The following EIF2AK3 variants were observed in gnomAD, a reference collection of about 807,000 sequenced individuals.
The protein encoded by EIF2AK3 is eukaryotic translation initiation factor 2-alpha kinase 3.
Under a neutral mutation model 113.5 loss-of-function variants are expected in EIF2AK3, and 50 were observed. The observed-to-expected ratio is 0.44, with a 90% CI of 0.35 to 0.56. The LOEUF (loss-of-function observed/expected upper bound fraction) is 0.56. Ranked by LOEUF, EIF2AK3 falls within the 20% of genes least tolerant of loss-of-function variation. The pLI is 0.00. For synonymous variants in EIF2AK3, 448 were observed against 495.4 expected (o/e 0.90, Z 1.27); for missense variants, 1,185 against 1,378.0 (o/e 0.86, Z 2.22).
chr2:88,593,089 C>A (rs573448535), intron 4 of EIF2AK3, among the ~76,000 whole-genome samples, 183 bp downstream of exon 4: 1 of 152,160 alleles, frequency 6.6e-6, no homozygotes, highest in Non-Finnish European at 1.5e-5. Context: ...TTGCAGTGAG[C>A]CAATATCACG....
At chr2:88,573,067 T>TA in intron 13 of EIF2AK3, among the ~76,000 whole-genome samples, 1 of 149,608 alleles carries the variant, frequency 6.7e-6, no homozygotes, top group Admixed American at 6.6e-5. Flanking sequence ...GGTCAGAACG[T>TA]AGCAAAATGT....
intron 9 of EIF2AK3, among the ~76,000 whole-genome samples, chr2:88,583,852 G>T (rs187042346): frequency 1.3e-3 from 200 of 152,078 alleles, no homozygotes; most frequent in Middle Eastern, 6.8e-3. Context: ...AAACTCCTGG[G>T]CAAGACTAGA....
chr2:88,605,448 C>CCA (rs1187681023), intron 2 of EIF2AK3, among the ~76,000 whole-genome samples: 1 of 152,164 alleles, frequency 6.6e-6, no homozygotes, highest in East Asian at 1.9e-4. Flanking sequence ...GGATTCACAT[C>CCA]TGTTTAAAAA....
Position 88,601,007 on chromosome 2 carries a change from A to C in EIF2AK3, c.439-5344T>G, listed in dbSNP as rs116255478. 4.1e-3 allele frequency among the ~76,000 whole-genome samples: 627 copies of C among 152,360 alleles called. 7 individuals are homozygous for C. Among genetic ancestry groups the C allele is most frequent in the African/African-American group, 0.014 (597 of 41,590 alleles). On this transcript the variant is annotated intron_variant, in intron 2 of 16. Coordinates refer to ENST00000303236, the MANE Select transcript of EIF2AK3 (RefSeq NM_004836.7). ...CCCATGTATCTATCATCCAGTTCCA[A>C]CAATTATCAACATTTTGCCAACTGT...
At chr2:88,584,259 G>C (rs1674664488) in intron 9 of EIF2AK3, among the ~76,000 whole-genome samples, 1 of 152,110 alleles carries the variant, frequency 6.6e-6, no homozygotes, top group African/African-American at 2.4e-5. Context: ...GCTCATGCCT[G>C]TAATCCCAAC....
intron 1 of EIF2AK3, among the ~76,000 whole-genome samples, chr2:88,623,600 G>C (rs929503438): frequency 2.0e-5 from 3 of 152,064 alleles, no homozygotes; most frequent in Admixed American, 6.6e-5. Flanking sequence ...CATAGTAAAC[G>C]CTTGGTTAAT....
intron 11 of EIF2AK3, among the ~76,000 whole-genome samples, chr2:88,577,582 TTGGTCAGGC>T (rs1473716172): frequency 6.6e-6 from 1 of 151,980 alleles, no homozygotes; most frequent in Non-Finnish European, 1.5e-5. Flanking sequence ...TTTTGTCATG[TTGGTCAGGC>T]TGGTCTCGAA....
At chr2:88,618,028 TAAAAA>T (rs1675630266) in intron 1 of EIF2AK3, among the ~76,000 whole-genome samples, 1 of 151,392 alleles carries the variant, frequency 6.6e-6, no homozygotes, top group African/African-American at 2.4e-5. Context: ...AAAAATACTT[TAAAAA>T]TTAGCCGGGT....
intron 1 of EIF2AK3, among the ~76,000 whole-genome samples, chr2:88,614,072 G>C (rs572019091): frequency 6.6e-6 from 1 of 152,150 alleles, no homozygotes; most frequent in South Asian, 2.1e-4. Context: ...TGACTCATAG[G>C]TCACCCTTCA....
chr2:88,582,888 T>C (rs1463652574), intron 10 of EIF2AK3, among the ~76,000 whole-genome samples: 1 of 152,138 alleles, frequency 6.6e-6, no homozygotes, highest in Non-Finnish European at 1.5e-5. Flanking sequence ...CATAACACCA[T>C]TTCCAGTTAT....
At chr2:88,592,929 G>A (rs181971245) in intron 4 of EIF2AK3, among the ~76,000 whole-genome samples, 89 of 152,114 alleles carry the variant, frequency 5.9e-4, no homozygotes, top group African/African-American at 1.9e-3. Flanking sequence ...ATCACCTGAC[G>A]TCGGGAGTTG....
At chr2:88,619,492 T>C (rs1304554084) in intron 1 of EIF2AK3, among the ~76,000 whole-genome samples, 1 of 152,212 alleles carries the variant, frequency 6.6e-6, no homozygotes, top group South Asian at 2.1e-4. Context: ...GTTATCACCA[T>C]AACAGGCTCA....
intron 1 of EIF2AK3, among the ~76,000 whole-genome samples, chr2:88,624,386 GA>G (rs1285674432): frequency 1.3e-5 from 2 of 152,172 alleles, no homozygotes; most frequent in African/African-American, 4.8e-5. Flanking sequence ...CATCAGTGAG[GA>G]AAGGAGGGAT....
At chr2:88,557,965 A>G in intron 16 of EIF2AK3, 29 bp from the exon 17 acceptor site, 1 of 1,607,644 alleles carries the variant, frequency 6.2e-7, no homozygotes, top group Non-Finnish European at 8.5e-7. Context: ...TTTTGTGATA[A>G]AACGGCCAGG....
In EIF2AK3 at chr2:88,575,240, T is replaced by A; in HGVS notation, c.2243A>T (p.His748Leu). 1 of 1,613,710 alleles carries A rather than the reference T, an allele frequency of 6.2e-7. No individual in the cohort carries two copies. The highest frequency in any genetic ancestry group is 8.5e-7 in the Non-Finnish European group (1 of 1,179,732). The change falls in exon 13 of 17, where the codon CAT becomes CTT. Residue 748 changes from histidine to leucine, a missense_variant. This residue lies in a region of EIF2AK3 where 877 missense variants were observed against 1,024.2 expected (regional missense o/e 0.86). Coordinates refer to ENST00000303236, the MANE Select transcript of EIF2AK3 (RefSeq NM_004836.7). Reference sequence around the variant, plus strand: ...ATCCACTGACTCACTGATGTCCTCATGGTCCATTCCTGAGAATTCCAGTGG... The same window carrying A: ...ATCCACTGACTCACTGATGTCCTCAAGGTCCATTCCTGAGAATTCCAGTGG... ...FSPLEFSGMDHEDISESVDAA... is the reference protein window; with the variant it reads ...FSPLEFSGMDLEDISESVDAA...
intron 2 of EIF2AK3, among the ~76,000 whole-genome samples, chr2:88,609,537 T>G (rs979539562): frequency 6.6e-6 from 1 of 152,210 alleles, no homozygotes; most frequent in Non-Finnish European, 1.5e-5. Flanking sequence ...ATCTTGACCC[T>G]GAGTAACACA....
chr2:88,581,065 G>C (rs1313485069), intron 10 of EIF2AK3, among the ~76,000 whole-genome samples: 1 of 152,096 alleles, frequency 6.6e-6, no homozygotes, highest in Non-Finnish European at 1.5e-5. Flanking sequence ...CCCTAGAAAT[G>C]TAAGTATCAT....
At chr2:88,578,434 GCA>G (rs1674517630) in intron 11 of EIF2AK3, among the ~76,000 whole-genome samples, 1 of 152,122 alleles carries the variant, frequency 6.6e-6, no homozygotes, top group Non-Finnish European at 1.5e-5. Flanking sequence ...TGTAATCCCA[GCA>G]CTTTGGGAGG....
intron 1 of EIF2AK3, among the ~76,000 whole-genome samples, chr2:88,614,238 C>T (rs1305784738): frequency 3.3e-5 from 5 of 152,156 alleles, no homozygotes; most frequent in Non-Finnish European, 7.3e-5. Flanking sequence ...CTGAGGATAT[C>T]GCTTCCCTAC....
Sources: allele counts gnomAD v4.1 joint callset (sites outside exome capture counted in the v4.1 genomes callset), GRCh38; gene constraint gnomAD v4.1.1; regional missense constraint gnomAD v4.1.1; transcripts MANE v1.5; gene names NCBI Gene and HGNC (gene_info 2026-07-23, HGNC 2026-07-21).